Variants in SDCBP2 observed in about 807,000 individuals in gnomAD.
SDCBP2 encodes syntenin-2.
A neutral mutation model predicts 30.7 loss-of-function variants in SDCBP2; 28 were observed. That is an observed-to-expected ratio of 0.91 (90% CI 0.68 to 1.25). The LOEUF (loss-of-function observed/expected upper bound fraction) is 1.25, where lower values mean the gene tolerates loss of function less well. Ranked by LOEUF, SDCBP2 falls within the 50% of genes most tolerant of loss-of-function variation. The pLI is 0.00. For synonymous variants in SDCBP2, 166 were observed against 157.3 expected (o/e 1.06, Z -0.41); for missense variants, 399 against 379.0 (o/e 1.05, Z -0.44).
rs1268680809 is a variant in SDCBP2 at position 1,311,843 on chromosome 20, ATGTATTAAGCACC to A, written c.732+481_732+493del. Among the ~76,000 whole-genome samples, 18 of 151,294 alleles carry A rather than the reference ATGTATTAAGCACC, an allele frequency of 1.2e-4. No individual in the cohort carries two copies. The East Asian group carries it at 3.3e-3, about 28-fold the overall frequency. On this transcript the variant is annotated intron_variant, in intron 7 of 8. Transcript: ENST00000360779. ...GTCCATGCAGCCAGCAATAGCTATT[ATGTATTAAGCACC>A]TGCTATGTGCCTGGCACTGTGCTCA... is the stretch of plus-strand genomic sequence containing the variant.
At chr20:1,314,851 A>G (rs545303223) in intron 4 of SDCBP2, among the ~76,000 whole-genome samples, 1 of 152,366 alleles carries the variant, frequency 6.6e-6, no homozygotes, top group East Asian at 1.9e-4. Flanking sequence ...CTGATAAAAG[A>G]TATCAAAGAA....
In SDCBP2 at chr20:1,313,244, C is replaced by A; in HGVS notation, c.384+96G>T. On this transcript the variant is annotated intron_variant, in intron 5 of 8. Coordinates refer to ENST00000360779, the MANE Select transcript of SDCBP2 (RefSeq NM_080489.5). This position sits in a 1 kb window ranked among gnomAD's most constrained non-coding sequence, Gnocchi z 5.2. ...CTGGGGTTAGGAGGCCCGCTCTGCACCTTCCTTACTGTGGACGGGCCCTCT... is the reference window on the plus strand; with the variant it reads ...CTGGGGTTAGGAGGCCCGCTCTGCAACTTCCTTACTGTGGACGGGCCCTCT... The A allele has an allele frequency of 7.5e-7, 1 of 1,329,600 alleles. No individual in the cohort carries two copies. Among genetic ancestry groups the A allele is most frequent in the Non-Finnish European group, 1.0e-6 (1 of 957,268 alleles). 82.4% of individuals were successfully genotyped at this position (1,329,600 alleles called of 1,614,324 possible). A position where few individuals can be genotyped will look rare whatever the true frequency, so the allele number is the denominator to read the frequency against.
At chr20:1,315,457 A>C (rs1031543555) in intron 4 of SDCBP2, among the ~76,000 whole-genome samples, 1 of 152,280 alleles carries the variant, frequency 6.6e-6, no homozygotes, top group Non-Finnish European at 1.5e-5. Context: ...TGAGCCCAGG[A>C]GGCGGAGGTT....
At chr20:1,319,684 T>C (rs914833850) in intron 2 of SDCBP2, 25 bp from the exon 3 acceptor site, 3 of 1,529,468 alleles carry the variant, frequency 2.0e-6, no homozygotes, top group African/African-American at 2.8e-5. Flanking sequence ...GGAGCACTGG[T>C]CAGCTGTGGC....
Position 1,313,398 on chromosome 20 carries a change from A to T in SDCBP2, c.326T>A (p.Ile109Asn). 1.2e-6 allele frequency: 2 copies of T among 1,610,148 alleles called. No individual in the cohort carries two copies. Among genetic ancestry groups the T allele is most frequent in the Non-Finnish European group, 1.7e-6 (2 of 1,179,108 alleles). ...GCCGCGCTCGTCCTTGCACAGGTGG[A>T]TCTCGCGCACCCCGGGCTTGATCTC... Reference protein sequence around the residue: ...RAEIKPGVREIHLCKDERGKT... With the variant: ...RAEIKPGVRENHLCKDERGKT... Residue 109 changes from isoleucine to asparagine, a missense_variant, in exon 5 of 9, where the codon ATC becomes AAC. Transcript: ENST00000360779. The surrounding 1 kb of genome is among the most constrained non-coding windows in gnomAD (Gnocchi z 5.2).
intron 8 of SDCBP2, 65 bp downstream of exon 8, chr20:1,310,735 A>G: frequency 7.1e-7 from 1 of 1,405,344 alleles, no homozygotes; most frequent in South Asian, 1.2e-5. Context: ...TGCACCTGGG[A>G]GGCCGGGAGG....
intron 1 of SDCBP2, among the ~76,000 whole-genome samples, chr20:1,326,105 A>T (rs977457390): frequency 1.3e-5 from 2 of 152,194 alleles, no homozygotes; most frequent in Non-Finnish European, 2.9e-5. Context: ...GAAGACCCTG[A>T]CTGGGCCGTG....
chr20:1,327,134 CCCTCTCTCTCAGAGGAATTTT>C (rs938166278), intron 1 of SDCBP2, among the ~76,000 whole-genome samples: 3 of 152,186 alleles, frequency 2.0e-5, no homozygotes, highest in African/African-American at 7.2e-5. Context: ...CCCACCTAAC[CCCTCTCTCTCAGAGGAATTTT>C]CCTCTCCCAC....
In SDCBP2 at chr20:1,313,748, G is replaced by A; in HGVS notation, c.226-250C>T. 1.0e-6 allele frequency: 1 copy of A among 988,954 alleles called. No individual in the cohort carries two copies. The highest frequency in any genetic ancestry group is 1.3e-6 in the Non-Finnish European group (1 of 752,784). The allele number at this position is 988,954 out of a possible 1,614,324, so 61.3% of individuals were successfully genotyped here. On this transcript the variant is annotated intron_variant, in intron 4 of 8. Transcript: ENST00000360779. This position sits in a 1 kb window ranked among gnomAD's most constrained non-coding sequence, Gnocchi z 5.2. ...GGGAAGGGGCGAGGATACAGGAAGAGGCCCTTCATTTCCCAAGGGAAACTG... is the reference window on the plus strand; with the variant it reads ...GGGAAGGGGCGAGGATACAGGAAGAAGCCCTTCATTTCCCAAGGGAAACTG...
chr20:1,310,470 TGTG>T lies in SDCBP2; in HGVS notation c.847_849del (p.His283del). On this transcript the variant is annotated inframe_deletion, in exon 9 of 9. Coordinates refer to ENST00000360779, the MANE Select transcript of SDCBP2 (RefSeq NM_080489.5). ...GCATCTGGGATGGAGTGGTCCATGG[TGTG>T]GTGGAGCAGGACTGGAGGCAACCTG... is the stretch of plus-strand genomic sequence containing the variant. The T allele has an allele frequency of 1.2e-6, 2 of 1,613,662 alleles. No homozygotes were observed. The highest frequency in any genetic ancestry group is 8.5e-7 in the Non-Finnish European group (1 of 1,179,984).
chr20:1,316,210 C>T (rs2088775056), intron 4 of SDCBP2, among the ~76,000 whole-genome samples: 1 of 152,170 alleles, frequency 6.6e-6, no homozygotes, highest in African/African-American at 2.4e-5. Context: ...GAAAGATGGT[C>T]CACATCATCA....
At chr20:1,312,848 A>G in intron 5 of SDCBP2, 86 bp from the exon 6 acceptor site, 1 of 1,393,642 alleles carries the variant, frequency 7.2e-7, no homozygotes, top group Non-Finnish European at 9.6e-7. Context: ...TCCTCCTGAT[A>G]CTCCAGGAAC....
chr20:1,318,343 A>G lies in SDCBP2; in HGVS notation c.200T>C (p.Leu67Pro), dbSNP rs371823750. ...SLSSQEVQES[L>P]LQIPEGDSTA... ...ACTGTCACCCTCTGGAATCTGAAGC[A>G]GGCTCTCCTGGACTTCTTGGCTGGA... The change falls in exon 4 of 9, where the codon CTG becomes CCG. Residue 67 changes from leucine to proline, a missense_variant. By Grantham distance (98) the Leu-to-Pro change is moderately conservative. Transcript: ENST00000360779. 15 of 1,613,622 alleles carry G rather than the reference A, an allele frequency of 9.3e-6. No homozygotes were observed. Among genetic ancestry groups the G allele is most frequent in the Non-Finnish European group, 1.3e-5 (15 of 1,179,744 alleles).
chr20:1,312,757 G>A lies in SDCBP2; in HGVS notation c.390C>T (p.Leu130=). The change falls in exon 6 of 9, where the codon CTC becomes CTT. Residue 130 remains leucine (L), a synonymous_variant. Coordinates refer to ENST00000360779, the MANE Select transcript of SDCBP2 (RefSeq NM_080489.5). The part of the protein sequence containing the change: ...GLRLRKVDQG[L]FVQLVQANTP... The stretch of plus-strand genomic sequence containing the variant: ...TGTTGGCCTGGACCAACTGCACAAA[G>A]AGCCCCTGGGGGAGGCAGGGCCCCA... 3 of 1,610,518 alleles carry A rather than the reference G, an allele frequency of 1.9e-6. No homozygotes were observed. Among genetic ancestry groups the A allele is most frequent in the South Asian group, 2.2e-5 (2 of 90,906 alleles).
intron 3 of SDCBP2, 41 bp from the exon 4 acceptor site, chr20:1,318,459 A>C: frequency 7.6e-7 from 1 of 1,321,936 alleles, no homozygotes; most frequent in Middle Eastern, 1.9e-4. Flanking sequence ...TCATTAGAGG[A>C]CATGTGCTTC....
intron 4 of SDCBP2, among the ~76,000 whole-genome samples, chr20:1,316,483 G>A (rs1007282722): frequency 1.3e-5 from 2 of 152,094 alleles, no homozygotes; most frequent in Non-Finnish European, 2.9e-5. Flanking sequence ...TCCACCTCCT[G>A]GGCTCAAGCA....
rs1297045316 is a variant in SDCBP2, at chr20:1,320,541, C to A, written c.-19-106G>T. Reference sequence around the variant, plus strand: ...AGCGGGTTGGAACTTAATATTCAAACAGAAAGGCAGCAGGGCACTTAGAAT... The same window carrying A: ...AGCGGGTTGGAACTTAATATTCAAAAAGAAAGGCAGCAGGGCACTTAGAAT... On this transcript the variant is annotated intron_variant, in intron 1 of 8. Transcript: ENST00000360779. This position sits in a 1 kb window ranked among gnomAD's most constrained non-coding sequence, Gnocchi z 4.7. 11 of 833,608 alleles carry A rather than the reference C, an allele frequency of 1.3e-5. No individual in the cohort carries two copies. Among genetic ancestry groups the A allele is most frequent in the Non-Finnish European group, 2.1e-5 (11 of 517,412 alleles). 51.6% of individuals were successfully genotyped at this position (833,608 alleles called of 1,614,324 possible).
Position 1,313,959 on chromosome 20 carries a change from C to G in SDCBP2, c.226-461G>C, listed in dbSNP as rs150637248. On this transcript the variant is annotated intron_variant, in intron 4 of 8. Transcript: ENST00000360779. This position sits in a 1 kb window ranked among gnomAD's most constrained non-coding sequence, Gnocchi z 5.2. ...ACTATTAAAGATGGTACTGGAAGAC[C>G]TAGCCAGCACAGTAGGCAAGAAAAG... 2.3e-3 allele frequency among the ~76,000 whole-genome samples: 351 copies of G among 152,164 alleles called. 1 individual carries two copies. The highest frequency in any genetic ancestry group is 8.2e-3 in the African/African-American group (340 of 41,530).
rs934869576 is a variant in SDCBP2 at position 1,310,319 on chromosome 20, C to T, written c.*122G>A. 4.1e-6 allele frequency: 4 copies of T among 987,178 alleles called. No individual in the cohort carries two copies. The highest frequency in any genetic ancestry group is 4.9e-5 in the East Asian group (2 of 40,960). 61.2% of individuals were successfully genotyped at this position (987,178 alleles called of 1,614,324 possible). A position where few individuals can be genotyped will look rare whatever the true frequency, so the allele number is the denominator to read the frequency against. Reference sequence around the variant, plus strand: ...TCCCATGGTCACCCTCCTGGACACGCCCCCCTCATGGCAGCCCCCACCTTA... The same window carrying T: ...TCCCATGGTCACCCTCCTGGACACGTCCCCCTCATGGCAGCCCCCACCTTA... On this transcript the variant is annotated 3_prime_UTR_variant, in exon 9 of 9. Transcript: ENST00000360779.
Sources: allele counts gnomAD v4.1 joint callset (sites outside exome capture counted in the v4.1 genomes callset), GRCh38; gene constraint gnomAD v4.1.1; non-coding constraint Gnocchi (gnomAD v3.1); transcripts MANE v1.5; gene names NCBI Gene and HGNC (gene_info 2026-07-23, HGNC 2026-07-21).